CSRP3: variants seen among roughly 807,000 people sequenced by gnomAD.
The protein encoded by CSRP3 is cysteine and glycine rich protein 3.
Under a neutral mutation model 24.3 loss-of-function variants are expected in CSRP3, and 24 were observed. The observed-to-expected ratio is 0.99, with a 90% confidence interval of 0.71 to 1.39. The LOEUF is 1.39. Ranked by LOEUF, CSRP3 falls within the 40% of genes most tolerant of loss-of-function variation. The probability of loss-of-function intolerance (pLI) is 0.00; values close to 1 mark genes in which losing one functional copy is unlikely to be tolerated. For missense variants in CSRP3, 240 were observed against 249.0 expected (o/e 0.96, Z 0.24); for synonymous variants, 105 against 94.0 (o/e 1.12, Z -0.68).
intron 1 of CSRP3, among the ~76,000 whole-genome samples, chr11:19,193,909 C>T (rs539538005): frequency 6.6e-6 from 1 of 152,202 alleles, no homozygotes; most frequent in African/African-American, 2.4e-5. Flanking sequence ...TTCCTCAAAG[C>T]AGAACTAAAA....
rs1213063788 is a variant in CSRP3 at position 19,197,504 on chromosome 11, T to TTTCG, written c.-29+4449_-29+4450insCGAA. 5.2e-3 allele frequency among the ~76,000 whole-genome samples: 304 copies of TTTCG among 58,054 alleles called. 4 individuals carry two copies. The highest frequency in any genetic ancestry group is 0.012 in the African/African-American group (170 of 14,382). 38.1% of individuals were successfully genotyped at this position (58,054 alleles called of 152,430 possible). A position where few individuals can be genotyped will look rare whatever the true frequency, so the allele number is the denominator to read the frequency against. ...ATCTCTTTCTCTCCCTCTTTTCCTC[T>TTTCG]TTCTTTCTTTCTTTCTTTCTTTCTT... On this transcript the variant is annotated intron_variant, in intron 1 of 5. Transcript: ENST00000265968.
chr11:19,188,114 G>C, intron 3 of CSRP3, 22 bp downstream of exon 3: 1 of 1,614,102 alleles, frequency 6.2e-7, no homozygotes, highest in Middle Eastern at 1.7e-4. Context: ...AACAGGCAAG[G>C]GGGAGCAGGG....
intron 2 of CSRP3, 139 bp from the exon 3 acceptor site, chr11:19,188,443 A>AGTATC (rs1421976425): frequency 1.2e-6 from 1 of 812,572 alleles, no homozygotes; most frequent in Non-Finnish European, 2.0e-6. Context: ...TCCTGACCAG[A>AGTATC]GTATCTGCCC....
chr11:19,197,501 C>CTCTTTCGTTCGTTCTTTCTT (rs1491110501), intron 1 of CSRP3, among the ~76,000 whole-genome samples: 6 of 67,066 alleles, frequency 8.9e-5, no homozygotes, highest in African/African-American at 2.7e-4. Context: ...CCCTCTTTTC[C>CTCTTTCGTTCGTTCTTTCTT]TCTTTCTTTC....
intron 1 of CSRP3, among the ~76,000 whole-genome samples, chr11:19,201,058 T>A (rs1281763681): frequency 6.6e-6 from 1 of 152,178 alleles, no homozygotes; most frequent in African/African-American, 2.4e-5. Flanking sequence ...GCAGCTTGGA[T>A]CTTTCAGCAG....
chr11:19,194,023 T>C (rs1313646400), intron 1 of CSRP3, among the ~76,000 whole-genome samples: 1 of 152,208 alleles, frequency 6.6e-6, no homozygotes, highest in East Asian at 1.9e-4. Flanking sequence ...TGTCATGACA[T>C]GGAGCACTAT....
chr11:19,191,430 G>T (rs1850612668), intron 2 of CSRP3, among the ~76,000 whole-genome samples: 2 of 152,174 alleles, frequency 1.3e-5, no homozygotes, highest in South Asian at 4.1e-4. Context: ...CAAATATCCA[G>T]CAGAGCTAGC....
chr11:19,183,379 T>G (rs1850470582), intron 5 of CSRP3, among the ~76,000 whole-genome samples: 1 of 152,098 alleles, frequency 6.6e-6, no homozygotes, highest in Admixed American at 6.5e-5. Context: ...CAGAACCACT[T>G]GCAGTACCTG....
chr11:19,201,292 A>C (rs1850836608), intron 1 of CSRP3, among the ~76,000 whole-genome samples: 1 of 152,248 alleles, frequency 6.6e-6, no homozygotes, highest in Non-Finnish European at 1.5e-5. Flanking sequence ...AAAAGATTAA[A>C]AGCAAACTTG....
At position 19,188,553 on chromosome 11, in the gene CSRP3, T is replaced by C. The variant is rs186467506; in HGVS notation, c.113-249A>G. Among the ~76,000 whole-genome samples, 12 of 151,590 alleles carry C rather than the reference T, an allele frequency of 7.9e-5. No homozygotes were observed. The East Asian group carries it at 2.3e-3, about 29-fold the overall frequency. Reference sequence around the variant, plus strand: ...GGTGGAAGCTAGCATTAGAACGAGATATATAGTCTCAGACCTGCTAAGGAC... The same window carrying C: ...GGTGGAAGCTAGCATTAGAACGAGACATATAGTCTCAGACCTGCTAAGGAC... On this transcript the variant is annotated intron_variant, in intron 2 of 5. Coordinates refer to ENST00000265968, the MANE Select transcript of CSRP3 (RefSeq NM_003476.5).
intron 1 of CSRP3, among the ~76,000 whole-genome samples, chr11:19,199,568 C>T (rs1285163228): frequency 2.0e-5 from 3 of 152,254 alleles, no homozygotes; most frequent in Non-Finnish European, 4.4e-5. Flanking sequence ...CCTCCTGGCT[C>T]TGCCGCTTTC....
At chr11:19,184,145 A>C (rs1590102416) in intron 5 of CSRP3, among the ~76,000 whole-genome samples, 1 of 152,328 alleles carries the variant, frequency 6.6e-6, no homozygotes, top group East Asian at 1.9e-4. Flanking sequence ...GTTATGACTT[A>C]TAAAGTCTTC....
intron 2 of CSRP3, among the ~76,000 whole-genome samples, chr11:19,191,734 G>T (rs548613888): frequency 6.6e-6 from 1 of 152,284 alleles, no homozygotes; most frequent in South Asian, 2.1e-4. Flanking sequence ...AAGCCACAAG[G>T]TCTCAAGGTT....
At chr11:19,187,553 G>A (rs1850547201) in intron 3 of CSRP3, among the ~76,000 whole-genome samples, 1 of 152,214 alleles carries the variant, frequency 6.6e-6, no homozygotes, top group African/African-American at 2.4e-5. Context: ...GGATGGAGGT[G>A]GCCAGAGTGA....
At position 19,186,133 on chromosome 11, in the gene CSRP3, C is replaced by T. The variant is rs992362091; in HGVS notation, c.414+83G>A. On this transcript the variant is annotated intron_variant, in intron 4 of 5. Coordinates refer to ENST00000265968, the MANE Select transcript of CSRP3 (RefSeq NM_003476.5). Reference sequence around the variant, plus strand: ...AGCTAGAGAGAATGACAGCTGCTTGCAGCTCCCAATTTTTCTCTCATTCCT... The same window carrying T: ...AGCTAGAGAGAATGACAGCTGCTTGTAGCTCCCAATTTTTCTCTCATTCCT... The T allele has an allele frequency of 1.1e-5, 18 of 1,571,382 alleles. No homozygotes were observed. The African/African-American group carries it at 2.3e-4, about 20-fold the overall frequency.
intron 1 of CSRP3, among the ~76,000 whole-genome samples, chr11:19,192,701 C>G (rs563915384): frequency 1.3e-5 from 2 of 152,282 alleles, no homozygotes; most frequent in African/African-American, 4.8e-5. Flanking sequence ...AGTTTCTTCT[C>G]CTGTTAAATT....
intron 3 of CSRP3, among the ~76,000 whole-genome samples, chr11:19,187,487 C>A (rs1850545845): frequency 6.6e-6 from 1 of 152,218 alleles, no homozygotes; most frequent in Non-Finnish European, 1.5e-5. Context: ...TTCCTCAATT[C>A]TGGGCTGGAG....
intron 1 of CSRP3, among the ~76,000 whole-genome samples, chr11:19,196,291 G>T (rs768682041): frequency 6.6e-6 from 1 of 152,056 alleles, no homozygotes; most frequent in Admixed American, 6.5e-5. Context: ...AAATAAAAAG[G>T]CATTCGGAAT....
rs370147131 is a variant in CSRP3 at position 19,182,731 on chromosome 11, T to G, written c.524A>C (p.Asn175Thr). The G allele has an allele frequency of 1.2e-6, 2 of 1,613,258 alleles. No homozygotes were observed. The highest frequency in any genetic ancestry group is 1.3e-5 in the African/African-American group (1 of 74,922). ...ELYCKVCYAK[N>T]FGPTGIGFGG... ...AAACCCAATACCCGTGGGGCCAAAA[T>G]TTTTGGCATAGCAAACTGTGAATGA... Residue 175 changes from asparagine (N) to threonine (T), a missense_variant, in exon 6 of 6, where the codon AAT (asparagine) becomes ACT (threonine). Asn to Thr is a moderately conservative substitution (Grantham distance 65). Transcript: ENST00000265968.
Sources: allele counts gnomAD v4.1 joint callset (sites outside exome capture counted in the v4.1 genomes callset), GRCh38; gene constraint gnomAD v4.1.1; transcripts MANE v1.5; gene names NCBI Gene and HGNC (gene_info 2026-07-23, HGNC 2026-07-21).